EPHA1: variants seen among roughly 807,000 people sequenced by gnomAD.
The protein encoded by EPHA1 is ephrin type-A receptor 1.
In EPHA1, 92 loss-of-function variants were observed where a neutral mutation model predicts 110.1. The observed-to-expected ratio is 0.84, with a 90% CI of 0.71 to 0.99. The LOEUF (loss-of-function observed/expected upper bound fraction) is 0.99, where lower values mean the gene tolerates loss of function less well. Ranked by LOEUF, EPHA1 falls within the 50% of genes least tolerant of loss-of-function variation. EPHA1 has a pLI of 0.00. For synonymous variants in EPHA1, 500 were observed against 516.1 expected, an observed-to-expected ratio of 0.97 and a Z score of 0.42; for missense variants, 1,204 against 1,285.4, an observed-to-expected ratio of 0.94 and a Z score of 0.97.
At position 143,393,941 on chromosome 7, in the gene EPHA1, G is replaced by T; in HGVS notation, c.2503-77C>A. The T allele has an allele frequency of 6.8e-7, 1 of 1,461,176 alleles. No individual in the cohort carries two copies. The highest frequency in any genetic ancestry group is 9.2e-7 in the Non-Finnish European group (1 of 1,089,208). The allele number at this position is 1,461,176 out of a possible 1,614,324, so 90.5% of individuals were successfully genotyped here. A position where few individuals can be genotyped will look rare whatever the true frequency, so the allele number is the denominator to read the frequency against. On this transcript the variant is annotated intron_variant, in intron 15 of 17. Transcript: ENST00000275815. The surrounding 1 kb of genome is among the most constrained non-coding windows in gnomAD (Gnocchi z 5.6). ...CCATGAGAAACCGACGGTCACACAA[G>T]ATAATTGCAGTGGAGATCCTAGGAT...
At chr7:143,407,467 TCTGACTCAGCCTCCTCTCCCCCTCC>T in intron 2 of EPHA1, 119 bp downstream of exon 2, 2 of 649,728 alleles carry the variant, frequency 3.1e-6, no homozygotes, top group Non-Finnish European at 5.3e-6. Context: ...TTGAGGAGGC[TCTGACTCAGCCTCCTCTCCCCCTCC>T]CTGAGGAGAC....
At position 143,399,238 on chromosome 7, in the gene EPHA1, G is replaced by T; in HGVS notation, c.991+20C>A. On this transcript the variant is annotated intron_variant, in intron 5 of 17. Coordinates refer to ENST00000275815, the MANE Select transcript of EPHA1 (RefSeq NM_005232.5). ...CCAGCCCCTCCCTCCAGATGGCCAC[G>T]CCCCACCCCCTGGACTCACCTGTGC... 6.2e-7 allele frequency: 1 copy of T among 1,602,916 alleles called. No homozygotes were observed. The highest frequency in any genetic ancestry group is 1.1e-5 in the South Asian group (1 of 89,708).
At position 143,393,916 on chromosome 7, in the gene EPHA1, C is replaced by A. The variant is rs921760916; in HGVS notation, c.2503-52G>T. The A allele has an allele frequency of 3.3e-6, 5 of 1,497,042 alleles. No individual in the cohort carries two copies. The highest frequency in any genetic ancestry group is 4.5e-6 in the Non-Finnish European group (5 of 1,119,302). 92.7% of individuals were successfully genotyped at this position (1,497,042 alleles called of 1,614,324 possible). The stretch of plus-strand genomic sequence containing the variant: ...TAGAGTAGCAAGCTAACCTGGAGGC[C>A]CATGAGAAACCGACGGTCACACAAG... On this transcript the variant is annotated intron_variant, in intron 15 of 17. Transcript: ENST00000275815. This position sits in a 1 kb window ranked among gnomAD's most constrained non-coding sequence, Gnocchi z 5.6.
chr7:143,405,816 G>A (rs901598040), intron 2 of EPHA1, among the ~76,000 whole-genome samples: 7 of 152,150 alleles, frequency 4.6e-5, no homozygotes, highest in South Asian at 4.1e-4. Context: ...AACAGAGAAC[G>A]GAGCCAGGAC....
intron 7 of EPHA1, 91 bp downstream of exon 7, chr7:143,398,230 G>A: frequency 6.3e-7 from 1 of 1,590,034 alleles, no homozygotes; most frequent in South Asian, 1.1e-5. Flanking sequence ...TGGACTTCGG[G>A]TGGATTCCTC....
rs201923054 is a variant in EPHA1 at position 143,397,377 on chromosome 7, G to C, written c.1713-15C>G. 6.5e-7 allele frequency: 1 copy of C among 1,549,436 alleles called. No homozygotes were observed. Among genetic ancestry groups the C allele is most frequent in the East Asian group, 2.4e-5 (1 of 40,888 alleles). On this transcript the variant is annotated splice_polypyrimidine_tract_variant and intron_variant, in intron 9 of 17. Transcript: ENST00000275815. Reference sequence around the variant, plus strand: ...GCTGGGCTCTCCTGTGGGGGTTGGGGACCAGCTCCTTCAGGGCCCCAGGAC... The same window carrying C: ...GCTGGGCTCTCCTGTGGGGGTTGGGCACCAGCTCCTTCAGGGCCCCAGGAC...
At position 143,401,344 on chromosome 7, in the gene EPHA1, G is replaced by A. The variant is rs1421157458; in HGVS notation, c.412C>T (p.Arg138Ter). The A allele has an allele frequency of 2.2e-5, 36 of 1,613,808 alleles. No homozygotes were observed. The highest frequency in any genetic ancestry group is 2.7e-5 in the African/African-American group (2 of 74,910). ...AGCACCTTCTGGAACAAGGGCCGTC[G>A]GAGCTGAATGCCCACATCCTGGTCA... is the stretch of plus-strand genomic sequence containing the variant. ...ESDQDVGIQL[R>*]RPLFQKVTTV... The change falls in exon 3 of 18, where the codon CGA becomes TGA. Residue 138 changes from arginine (R) to a stop codon, truncating the protein, a stop_gained. Coordinates refer to ENST00000275815, the MANE Select transcript of EPHA1 (RefSeq NM_005232.5). LOFTEE classifies it high-confidence loss of function. The surrounding 1 kb of genome is among the most constrained non-coding windows in gnomAD (Gnocchi z 4.1).
Position 143,400,045 on chromosome 7 carries a change from C to A in EPHA1, c.441G>T (p.Thr147=). 1 of 1,598,724 alleles carries A rather than the reference C, an allele frequency of 6.3e-7. No homozygotes were observed. The highest frequency in any genetic ancestry group is 8.6e-7 in the Non-Finnish European group (1 of 1,169,076). ...TGGTGAAGCTCTGGTCTGCAGCCAC[C>A]GTGGTTACCTGGGTAGAAGGTGGGG... is the stretch of plus-strand genomic sequence containing the variant. ...LRRPLFQKVT[T]VAADQSFTIR... The change falls in exon 4 of 18, where the codon ACG becomes ACT. Residue 147 remains threonine, a synonymous_variant. Coordinates refer to ENST00000275815, the MANE Select transcript of EPHA1 (RefSeq NM_005232.5).
chr7:143,399,956 G>C lies in EPHA1; in HGVS notation c.530C>G (p.Thr177Ser). 3.7e-6 allele frequency: 6 copies of C among 1,613,806 alleles called. No homozygotes were observed. Among genetic ancestry groups the C allele is most frequent in the Non-Finnish European group, 5.1e-6 (6 of 1,179,872 alleles). The change falls in exon 4 of 18, where the codon ACC (threonine) becomes AGC (serine). Residue 177 changes from threonine to serine, a missense_variant. Transcript: ENST00000275815. Reference protein sequence around the residue: ...NVERCSLGRLTRRGLYLAFHN... With the variant: ...NVERCSLGRLSRRGLYLAFHN... ...GAAAGCGAGGTAGAGGCCACGGCGGGTCAGGCGGCCCAGAGAGCAGCGCTC... is the reference window on the plus strand; with the variant it reads ...GAAAGCGAGGTAGAGGCCACGGCGGCTCAGGCGGCCCAGAGAGCAGCGCTC...
At chr7:143,394,459 T>A in intron 14 of EPHA1, 116 bp from the exon 15 acceptor site, 1 of 1,295,554 alleles carries the variant, frequency 7.7e-7, no homozygotes, top group African/African-American at 1.5e-5. Context: ...TCTCGCTCTG[T>A]TGCTAGGCTG....
chr7:143,391,256 C>A lies in EPHA1; in HGVS notation c.*201G>T. On this transcript the variant is annotated 3_prime_UTR_variant, in exon 18 of 18. Coordinates refer to ENST00000275815, the MANE Select transcript of EPHA1 (RefSeq NM_005232.5). ...CCCTCAGCTCCCTCCCATGATCATCCTTTTACTTCTACCCCCACCTCCCTT... is the reference window on the plus strand; with the variant it reads ...CCCTCAGCTCCCTCCCATGATCATCATTTTACTTCTACCCCCACCTCCCTT... 1 of 615,924 alleles carries A rather than the reference C, an allele frequency of 1.6e-6. No individual in the cohort carries two copies. The highest frequency in any genetic ancestry group is 2.9e-6 in the Non-Finnish European group (1 of 349,562). The allele number at this position is 615,924 out of a possible 1,614,324, so 38.2% of individuals were successfully genotyped here.
intron 8 of EPHA1, 41 bp from the exon 9 acceptor site, chr7:143,397,698 T>C: frequency 1.2e-6 from 2 of 1,609,756 alleles, no homozygotes; most frequent in Non-Finnish European, 1.7e-6. Flanking sequence ...GGACTCACAG[T>C]CCGTAGGAAT....
intron 9 of EPHA1, 23 bp downstream of exon 9, chr7:143,397,538 G>A: frequency 6.2e-7 from 1 of 1,601,210 alleles, no homozygotes; most frequent in Non-Finnish European, 8.5e-7. Context: ...GCTGGTGGTT[G>A]GGGAGGGGGC....
At chr7:143,406,170 C>G (rs974211461) in intron 2 of EPHA1, among the ~76,000 whole-genome samples, 4 of 152,126 alleles carry the variant, frequency 2.6e-5, no homozygotes, top group African/African-American at 9.7e-5. Context: ...TGGGGGAGGC[C>G]TGGGTGGCAG....
At position 143,399,624 on chromosome 7, in the gene EPHA1, T is replaced by A. The variant is rs912711879; in HGVS notation, c.835+27A>T. On this transcript the variant is annotated intron_variant, in intron 4 of 17. Coordinates refer to ENST00000275815, the MANE Select transcript of EPHA1 (RefSeq NM_005232.5). ...TCCTGCAATCCTCCCGAGTGGTTCC[T>A]CAGGTTCTCACCGCCTCCGTTCTTA... 5 of 1,611,270 alleles carry A rather than the reference T, an allele frequency of 3.1e-6. No homozygotes were observed. The South Asian group carries it at 3.3e-5, about 11-fold the overall frequency.
intron 2 of EPHA1, among the ~76,000 whole-genome samples, chr7:143,404,775 A>C (rs1805500598): frequency 6.6e-6 from 1 of 152,094 alleles, no homozygotes; most frequent in South Asian, 2.1e-4. Flanking sequence ...ATTCTTCAAA[A>C]ACTCTTCTCA....
rs1052285437 is a variant in EPHA1, at chr7:143,397,306, C to T, written c.1769G>A (p.Arg590Gln). ...RQRDRATDVD[R>Q]EDKLWLKPYV... is the part of the protein sequence containing the mutation. ...ACACGCAGGTGCACCCGACTCACCTCGATCCACATCGGTGGCGCGGTCACG... is the reference window on the plus strand; with the variant it reads ...ACACGCAGGTGCACCCGACTCACCTTGATCCACATCGGTGGCGCGGTCACG... Residue 590 changes from arginine to glutamine, a missense_variant and splice_region_variant, in exon 10 of 18, where the codon CGA (arginine) becomes CAA (glutamine). By Grantham distance (43) the Arg-to-Gln change is conservative. Coordinates refer to ENST00000275815, the MANE Select transcript of EPHA1 (RefSeq NM_005232.5). 1.0e-5 allele frequency: 16 copies of T among 1,548,890 alleles called. No individual in the cohort carries two copies. Among genetic ancestry groups the T allele is most frequent in the South Asian group, 6.0e-5 (5 of 83,998 alleles).
chr7:143,407,714 G>C (rs1805594238), intron 1 of EPHA1, 36 bp from the exon 2 acceptor site: 6 of 1,584,458 alleles, frequency 3.8e-6, no homozygotes, highest in East Asian at 4.5e-5. Context: ...GTCACCTCTG[G>C]GGGAGGAGGT....
Position 143,391,632 on chromosome 7 carries a change from T to G in EPHA1, c.2840A>C (p.Glu947Ala). ...AGLDTMECVL[E>A]LTAEDLTQMG... ...TCCAGCTCCTTACTCAGCGGTCAGC[T>G]CCAGCACACACTCCATGGTGTCCAG... is the stretch of plus-strand genomic sequence containing the variant. The change falls in exon 17 of 18, where the codon GAG becomes GCG. Residue 947 changes from glutamate to alanine, a missense_variant. Physicochemically the swap from Glu to Ala is moderately radical, Grantham distance 107. Coordinates refer to ENST00000275815, the MANE Select transcript of EPHA1 (RefSeq NM_005232.5). The G allele has an allele frequency of 6.2e-7, 1 of 1,614,032 alleles. No individual in the cohort carries two copies. The highest frequency in any genetic ancestry group is 1.1e-5 in the South Asian group (1 of 91,080).
Sources: gnomAD v4.1 joint callset for allele counts (sites outside exome capture counted in the v4.1 genomes callset) on GRCh38, gnomAD v4.1.1 for gene constraint, Gnocchi (gnomAD v3.1) non-coding constraint, MANE v1.5 for transcripts, NCBI Gene and HGNC (gene_info 2026-07-23, HGNC 2026-07-21) for gene names.